ACACA: variants seen among roughly 807,000 people sequenced by gnomAD.
ACACA encodes acetyl-CoA carboxylase 1.
In ACACA, 103 loss-of-function variants were observed where a neutral mutation model predicts 296.1. The ratio of observed to expected loss-of-function variants is 0.35; its 90% CI spans 0.30 to 0.41. ACACA has a LOEUF of 0.41. Among genes scored for constraint, ACACA ranks in the 10% least tolerant of loss-of-function variants. The pLI, the probability that ACACA is intolerant of heterozygous loss-of-function variation, is 1.00. For missense variants in ACACA, 1,554 were observed against 2,989.7 expected (o/e 0.52, Z 11.20); for synonymous variants, 953 against 1,038.6 (o/e 0.92, Z 1.58).
In ACACA at chr17:37,163,386, T is replaced by C. The variant is rs1248798383; in HGVS notation, c.5080-1336A>G. Among the ~76,000 whole-genome samples the C allele has an allele frequency of 2.0e-5, 3 of 152,076 alleles. No individual in the cohort carries two copies. The East Asian group carries it at 5.8e-4, about 29-fold the overall frequency. On this transcript the variant is annotated intron_variant, in intron 41 of 55. Coordinates refer to ENST00000616317, the MANE Select transcript of ACACA (RefSeq NM_198834.3). The stretch of plus-strand genomic sequence containing the variant: ...ATGCAGTTGCCATGCTTATAGAGCC[T>C]GCAGAACCATGATCCAAAAATAAAC...
At chr17:37,248,281 C>A in intron 17 of ACACA, 125 bp from the exon 18 acceptor site, 1 of 1,206,406 alleles carries the variant, frequency 8.3e-7, no homozygotes, top group Non-Finnish European at 1.2e-6. Context: ...GGCACTGATG[C>A]TATTTGCATC....
intron 45 of ACACA, 81 bp downstream of exon 45, chr17:37,149,783 C>G: frequency 1.6e-6 from 2 of 1,277,250 alleles, no homozygotes; most frequent in Middle Eastern, 1.9e-4. Context: ...CTGCTTCCTT[C>G]CAATCAGGAT....
intron 41 of ACACA, among the ~76,000 whole-genome samples, chr17:37,172,061 T>C (rs1393909697): frequency 6.6e-6 from 1 of 152,190 alleles, no homozygotes; most frequent in Non-Finnish European, 1.5e-5. Flanking sequence ...CTGATGTTCA[T>C]TATTGCCTCT....
chr17:37,225,076 A>G lies in ACACA; in HGVS notation c.3390T>C (p.Tyr1130=), dbSNP rs1223799748. ...ACTCTACTTGGTTATGGCGAAGCTC[A>G]TATGATGGCAAATGGGAGGCAATAA... The part of the protein sequence containing the change: ...QVLIASHLPS[Y]ELRHNQVESI... Residue 1130 remains tyrosine (Y), a synonymous_variant, in exon 27 of 56, where the codon TAT becomes TAC. Coordinates refer to ENST00000616317, the MANE Select transcript of ACACA (RefSeq NM_198834.3). 8 of 1,610,984 alleles carry G rather than the reference A, an allele frequency of 5.0e-6. No homozygotes were observed. The highest frequency in any genetic ancestry group is 1.7e-5 in the Admixed American group (1 of 59,980).
chr17:37,141,156 C>T (rs1426235842), intron 45 of ACACA: 1 of 517,128 alleles, frequency 1.9e-6, no homozygotes, highest in African/African-American at 1.9e-5. Context: ...CTGGCATAAT[C>T]TTCAAAACCT....
At chr17:37,321,129 T>G (rs182246721) in intron 3 of ACACA, among the ~76,000 whole-genome samples, 1 of 152,050 alleles carries the variant, frequency 6.6e-6, no homozygotes, top group African/African-American at 2.4e-5. Flanking sequence ...CTGAGAAAAC[T>G]TGACTAATAT....
chr17:37,114,481 T>A (rs1415834119), intron 50 of ACACA, among the ~76,000 whole-genome samples: 1 of 148,028 alleles, frequency 6.8e-6, no homozygotes, highest in African/African-American at 2.5e-5. Context: ...CAGTGAGCTG[T>A]GATCATGCTG....
chr17:37,332,624 A>G (rs1248654037), intron 2 of ACACA, among the ~76,000 whole-genome samples: 1 of 150,094 alleles, frequency 6.7e-6, no homozygotes, highest in East Asian at 2.0e-4. Context: ...AAAAAAAAAA[A>G]GATTGGCCGG....
chr17:37,306,981 A>C (rs2083915377), intron 3 of ACACA, among the ~76,000 whole-genome samples: 1 of 152,156 alleles, frequency 6.6e-6, no homozygotes, highest in African/African-American at 2.4e-5. Flanking sequence ...TACAGGCGTG[A>C]GCCACCACGC....
At position 37,406,471 on chromosome 17, in the gene ACACA, G is replaced by C; in HGVS notation, c.-172C>G. 1.5e-6 allele frequency: 1 copy of C among 667,030 alleles called. No individual in the cohort carries two copies. Among genetic ancestry groups the C allele is most frequent in the Non-Finnish European group, 2.4e-6 (1 of 408,478 alleles). The allele number at this position is 667,030 out of a possible 1,614,324, so 41.3% of individuals were successfully genotyped here. On this transcript the variant is annotated 5_prime_UTR_variant, in exon 1 of 56. Coordinates refer to ENST00000616317, the MANE Select transcript of ACACA (RefSeq NM_198834.3). ...AGCCCTTCGGGGCCCGGACTGGAGA[G>C]GCGCCACGGCTCGCCGTCCCTGGGC...
At chr17:37,105,161 A>C (rs1464739025) in intron 52 of ACACA, among the ~76,000 whole-genome samples, 1 of 152,106 alleles carries the variant, frequency 6.6e-6, no homozygotes, top group African/African-American at 2.4e-5. Flanking sequence ...TAGACTAAAA[A>C]TTCTCTGCTC....
At chr17:37,236,261 A>G (rs2080106719) in intron 24 of ACACA, among the ~76,000 whole-genome samples, 1 of 152,220 alleles carries the variant, frequency 6.6e-6, no homozygotes, top group South Asian at 2.1e-4. Context: ...GGACTACAAT[A>G]TCGAGAGAGC....
chr17:37,123,913 A>G (rs1277281825), intron 48 of ACACA, among the ~76,000 whole-genome samples: 3 of 152,238 alleles, frequency 2.0e-5, no homozygotes, highest in Non-Finnish European at 4.4e-5. Flanking sequence ...TATTTATTGA[A>G]CTTGAAAACA....
At chr17:37,292,244 G>A (rs1445095353) in intron 3 of ACACA, among the ~76,000 whole-genome samples, 3 of 152,042 alleles carry the variant, frequency 2.0e-5, no homozygotes, top group Non-Finnish European at 1.5e-5. Context: ...GCAGTAAGGG[G>A]CAAACACTAA....
chr17:37,324,709 C>T (rs1239090172), intron 3 of ACACA, among the ~76,000 whole-genome samples: 3 of 150,062 alleles, frequency 2.0e-5, no homozygotes, highest in Non-Finnish European at 4.4e-5. Flanking sequence ...GTGGCGCATA[C>T]CTGTAGTCCC....
chr17:37,260,296 A>ATATATATT (rs2081443114), intron 11 of ACACA, among the ~76,000 whole-genome samples: 2 of 18,982 alleles, frequency 1.1e-4, no homozygotes, highest in Non-Finnish European at 1.8e-4. Flanking sequence ...ATATATATAT[A>ATATATATT]TTTTTTTTTT....
At chr17:37,306,450 C>T (rs4795188) in intron 3 of ACACA, among the ~76,000 whole-genome samples, 56,396 of 151,692 alleles carry the variant, frequency 0.37, 14,187 homozygotes, top group African/African-American at 0.71. Flanking sequence ...CATATATATG[C>T]AAAATTAATA....
chr17:37,092,677 C>A (rs1567646977), intron 54 of ACACA, among the ~76,000 whole-genome samples: 1 of 152,180 alleles, frequency 6.6e-6, no homozygotes, highest in African/African-American at 2.4e-5. Context: ...AGGGCACAAC[C>A]TGATGGATGT....
At chr17:37,098,298 A>G (rs1173434320) in intron 52 of ACACA, among the ~76,000 whole-genome samples, 4 of 152,156 alleles carry the variant, frequency 2.6e-5, no homozygotes, top group Non-Finnish European at 5.9e-5. Context: ...CCTGCTGCAT[A>G]TTGCTGACAC....
Sources: gnomAD v4.1 joint callset for allele counts (sites outside exome capture counted in the v4.1 genomes callset) on GRCh38, gnomAD v4.1.1 for gene constraint, MANE v1.5 for transcripts, NCBI Gene and HGNC (gene_info 2026-07-23, HGNC 2026-07-21) for gene names.